The following RORA variants were observed in gnomAD, a reference collection of about 807,000 sequenced individuals.
RORA encodes RAR related orphan receptor A, also known as nuclear receptor ROR-alpha.
A neutral mutation model predicts 69.5 loss-of-function variants in RORA; 7 were observed. The observed-to-expected ratio is 0.10, with a 90% confidence interval of 0.06 to 0.19. The LOEUF is 0.19. Ranked by LOEUF, RORA falls within the 10% of genes least tolerant of loss-of-function variation. The pLI is 1.00. For missense variants in RORA, 457 were observed against 663.0 expected (o/e 0.69, Z 3.41); for synonymous variants, 261 against 240.8 (o/e 1.08, Z -0.78).
At chr15:60,819,723 C>A (rs2072862692) in intron 1 of RORA, among the ~76,000 whole-genome samples, 1 of 144,936 alleles carries the variant, frequency 6.9e-6, no homozygotes, top group African/African-American at 2.7e-5. Flanking sequence ...GGGAATATCA[C>A]TCCTGGACTG....
At chr15:60,977,714 T>C (rs1299493399) in intron 1 of RORA, among the ~76,000 whole-genome samples, 3 of 152,232 alleles carry the variant, frequency 2.0e-5, no homozygotes, top group African/African-American at 7.2e-5. Flanking sequence ...ACACTGTATG[T>C]GTCATTTCAT....
intron 1 of RORA, among the ~76,000 whole-genome samples, chr15:60,815,921 T>G (rs1172082340): frequency 7.0e-6 from 1 of 143,062 alleles, no homozygotes; most frequent in East Asian, 1.9e-4. Context: ...TAAACTATAG[T>G]GTATATATAC....
At chr15:60,749,401 C>T (rs1407759015) in intron 1 of RORA, among the ~76,000 whole-genome samples, 5 of 152,018 alleles carry the variant, frequency 3.3e-5, no homozygotes, top group Non-Finnish European at 5.9e-5. Flanking sequence ...TCTGTAAATG[C>T]TTATTTTTTT....
At chr15:60,682,943 G>A (rs192873494) in intron 1 of RORA, among the ~76,000 whole-genome samples, 31 of 152,298 alleles carry the variant, frequency 2.0e-4, no homozygotes, top group African/African-American at 6.0e-4. Context: ...TGAACACGGT[G>A]GATGACTTGG....
Position 60,511,741 on chromosome 15 carries a change from C to G in RORA, c.425-120G>C, listed in dbSNP as rs2065705668. 9.5e-7 allele frequency: 1 copy of G among 1,055,110 alleles called. No homozygotes were observed. Among genetic ancestry groups the G allele is most frequent in the Non-Finnish European group, 1.3e-6 (1 of 746,814 alleles). 65.4% of individuals were successfully genotyped at this position (1,055,110 alleles called of 1,614,324 possible). On this transcript the variant is annotated intron_variant, in intron 4 of 10. Coordinates refer to ENST00000335670, the MANE Select transcript of RORA (RefSeq NM_134261.3). This position sits in a 1 kb window ranked among gnomAD's most constrained non-coding sequence, Gnocchi z 6.4. ...ATCTCAATCCAAAACTGCATGACCA[C>G]AAAATAAGGACATATTCAGAGGTGA...
intron 1 of RORA, among the ~76,000 whole-genome samples, chr15:61,005,904 T>C (rs1350016562): frequency 3.9e-5 from 6 of 152,172 alleles, no homozygotes; most frequent in South Asian, 2.1e-4. Flanking sequence ...GAAATGTTCA[T>C]AGTCACCTCT....
chr15:60,827,479 C>T (rs1246135243), intron 1 of RORA, among the ~76,000 whole-genome samples: 5 of 152,302 alleles, frequency 3.3e-5, no homozygotes, highest in Admixed American at 2.6e-4. Flanking sequence ...GTTATGTTCC[C>T]AGAGGACAGT....
chr15:61,149,759 G>A (rs750854191), intron 1 of RORA, among the ~76,000 whole-genome samples: 2 of 152,128 alleles, frequency 1.3e-5, no homozygotes, highest in Non-Finnish European at 1.5e-5. Context: ...TACCCCAGAG[G>A]AGAAAACTTC....
rs564764063 is a variant in RORA at position 60,729,254 on chromosome 15, A to G, written c.167-50568T>C. Reference sequence around the variant, plus strand: ...CAAAACTTCATTGACAAAGAGCCTCATGGATGCCACTAAAGAGGACAACAC... The same window carrying G: ...CAAAACTTCATTGACAAAGAGCCTCGTGGATGCCACTAAAGAGGACAACAC... On this transcript the variant is annotated intron_variant, in intron 1 of 10. Coordinates refer to ENST00000335670, the MANE Select transcript of RORA (RefSeq NM_134261.3). Among the ~76,000 whole-genome samples the G allele has an allele frequency of 2.7e-3, 414 of 152,238 alleles. 1 individual carries two copies. The highest frequency in any genetic ancestry group is 9.2e-3 in the African/African-American group (384 of 41,532).
At chr15:60,498,648 C>T (rs909048983) in intron 10 of RORA, among the ~76,000 whole-genome samples, 2 of 152,156 alleles carry the variant, frequency 1.3e-5, no homozygotes, top group African/African-American at 4.8e-5. Flanking sequence ...TTCACCAGAT[C>T]TTGTCCACAT....
intron 1 of RORA, among the ~76,000 whole-genome samples, chr15:60,916,847 G>A (rs1891887363): frequency 6.6e-6 from 1 of 152,162 alleles, no homozygotes; most frequent in Admixed American, 6.5e-5. Context: ...CACACTCAGG[G>A]CCTAATCAGA....
At chr15:60,762,253 C>T (rs1182383344) in intron 1 of RORA, among the ~76,000 whole-genome samples, 2 of 152,092 alleles carry the variant, frequency 1.3e-5, no homozygotes, top group African/African-American at 2.4e-5. Context: ...TAAACTAAAA[C>T]GAGGGGATTC....
intron 1 of RORA, among the ~76,000 whole-genome samples, chr15:60,850,433 A>G (rs1041888393): frequency 4.6e-5 from 7 of 152,124 alleles, no homozygotes; most frequent in African/African-American, 1.7e-4. Flanking sequence ...CCCGATTCAA[A>G]TCCTGACTCC....
intron 1 of RORA, among the ~76,000 whole-genome samples, chr15:61,071,004 G>A (rs1372784731): frequency 6.6e-6 from 1 of 151,532 alleles, no homozygotes; most frequent in Non-Finnish European, 1.5e-5. Flanking sequence ...TACCCCATTA[G>A]TAATCTAACG....
At chr15:60,760,844 G>A (rs2071874586) in intron 1 of RORA, among the ~76,000 whole-genome samples, 1 of 151,458 alleles carries the variant, frequency 6.6e-6, no homozygotes, top group South Asian at 2.1e-4. Flanking sequence ...GTCTATACAT[G>A]CAGACAGACA....
intron 1 of RORA, among the ~76,000 whole-genome samples, chr15:60,780,766 T>C (rs890300468): frequency 6.6e-6 from 1 of 152,212 alleles, no homozygotes; most frequent in African/African-American, 2.4e-5. Context: ...GTCTATTGTG[T>C]TTCAGGAACT....
At chr15:60,560,252 TTTTTC>T (rs2067491332) in intron 2 of RORA, among the ~76,000 whole-genome samples, 1 of 152,080 alleles carries the variant, frequency 6.6e-6, no homozygotes, top group Non-Finnish European at 1.5e-5. Context: ...TTTCTAAAAT[TTTTTC>T]TTTTGTTTTG....
chr15:61,152,014 G>A (rs2079402285), intron 1 of RORA, among the ~76,000 whole-genome samples: 1 of 152,176 alleles, frequency 6.6e-6, no homozygotes, highest in Non-Finnish European at 1.5e-5. Context: ...GTCAGTCAGA[G>A]TAGTTTGGGA....
chr15:60,629,184 A>ATTTTTTTTTTTTTT (rs2069670023), intron 2 of RORA, among the ~76,000 whole-genome samples: 1 of 70,290 alleles, frequency 1.4e-5, no homozygotes, highest in African/African-American at 7.1e-5. Context: ...TTGACTGTTT[A>ATTTTTTTTTTTTTT]TTCTTTTTTT....
Sources: allele counts gnomAD v4.1 joint callset (sites outside exome capture counted in the v4.1 genomes callset), GRCh38; gene constraint gnomAD v4.1.1; non-coding constraint Gnocchi (gnomAD v3.1); transcripts MANE v1.5; gene names NCBI Gene and HGNC (gene_info 2026-07-23, HGNC 2026-07-21).